The following ESR1 variants were observed in gnomAD, a reference collection of about 807,000 sequenced individuals.
The protein encoded by ESR1 is estrogen receptor.
ESR1 carries 12 observed loss-of-function variants against 52.7 expected under a neutral mutation model. The ratio of observed to expected loss-of-function variants is 0.23; its 90% CI spans 0.15 to 0.37. ESR1 has a LOEUF of 0.37. Ranked by LOEUF, ESR1 falls within the 10% of genes least tolerant of loss-of-function variation. The pLI is 1.00. For missense variants in ESR1, 584 were observed against 779.7 expected, an observed-to-expected ratio of 0.75 and a Z score of 2.99; for synonymous variants, 305 against 316.8, an observed-to-expected ratio of 0.96 and a Z score of 0.39.
chr6:152,040,702 G>GTGC (rs1160722215), intron 5 of ESR1, among the ~76,000 whole-genome samples: 10 of 152,236 alleles, frequency 6.6e-5, no homozygotes, highest in African/African-American at 2.4e-4. Flanking sequence ...AGGGGCTGTA[G>GTGC]TGCTGCAGCT....
chr6:151,974,654 G>A (rs1226251649), intron 4 of ESR1, among the ~76,000 whole-genome samples: 1 of 152,190 alleles, frequency 6.6e-6, no homozygotes, highest in Non-Finnish European at 1.5e-5. Flanking sequence ...GAGGATAAAA[G>A]CCTATATGAA....
At chr6:152,045,408 T>C (rs1430763679) in intron 5 of ESR1, among the ~76,000 whole-genome samples, 2 of 152,144 alleles carry the variant, frequency 1.3e-5, no homozygotes, top group African/African-American at 4.8e-5. Flanking sequence ...CACACTGTGT[T>C]CAGATCCACT....
chr6:151,767,685 A>G (rs28403432), intron 2 of ESR1, among the ~76,000 whole-genome samples: 1 of 152,214 alleles, frequency 6.6e-6, no homozygotes, highest in Admixed American at 6.5e-5. Context: ...GTATTCACAA[A>G]GGGAGATGTC....
chr6:152,022,472 A>G (rs1275154953), intron 5 of ESR1, among the ~76,000 whole-genome samples: 1 of 152,296 alleles, frequency 6.6e-6, no homozygotes, highest in East Asian at 1.9e-4. Flanking sequence ...TTTGAGAGCC[A>G]TCTCCGTAGC....
intron 4 of ESR1, among the ~76,000 whole-genome samples, chr6:151,979,090 C>T (rs193142544): frequency 1.3e-3 from 199 of 152,256 alleles, no homozygotes; most frequent in African/African-American, 4.4e-3. Flanking sequence ...TGGTGTCTTT[C>T]TTGTGTCCAA....
chr6:151,872,758 C>T (rs920046328), intron 2 of ESR1, among the ~76,000 whole-genome samples: 1 of 152,284 alleles, frequency 6.6e-6, no homozygotes, highest in East Asian at 1.9e-4. Context: ...GACAAAGCAT[C>T]ACTCAGGAGT....
chr6:151,716,433 C>T (rs1781041053), intron 2 of ESR1, among the ~76,000 whole-genome samples: 1 of 152,168 alleles, frequency 6.6e-6, no homozygotes, highest in South Asian at 2.1e-4. Context: ...GTGCTCACAG[C>T]CGCCGCTTCC....
intron 6 of ESR1, among the ~76,000 whole-genome samples, chr6:152,072,387 G>A (rs1585109837): frequency 6.6e-6 from 1 of 152,140 alleles, no homozygotes; most frequent in African/African-American, 2.4e-5. Flanking sequence ...AAAGAGGAGG[G>A]TTGATTTGTT....
chr6:152,125,331 T>C (rs1459132456), exon 7 of ESR1: 1 of 1,550,368 alleles, frequency 6.5e-7, no homozygotes. Context: ...TGGAAACAAG[T>C]GGTTTCCTCG....
At chr6:151,857,954 A>G (rs73780887) in intron 2 of ESR1, among the ~76,000 whole-genome samples, 6,300 of 152,252 alleles carry the variant, frequency 0.041, 457 homozygotes, top group African/African-American at 0.14. Context: ...CACAGTAAAC[A>G]TCTTTTACTT....
chr6:151,705,554 A>T (rs74366500), intron 2 of ESR1, among the ~76,000 whole-genome samples: 43 of 152,328 alleles, frequency 2.8e-4, no homozygotes, highest in African/African-American at 1.0e-3. Flanking sequence ...AACTGACTAC[A>T]ATATAATAAT....
At chr6:151,782,466 C>T (rs1045318890) in intron 2 of ESR1, among the ~76,000 whole-genome samples, 2 of 152,036 alleles carry the variant, frequency 1.3e-5, no homozygotes, top group Non-Finnish European at 2.9e-5. Context: ...TTTAAGTTTG[C>T]TTCCAAGTTT....
At chr6:152,045,005 A>T (rs2046112333) in intron 5 of ESR1, among the ~76,000 whole-genome samples, 1 of 152,236 alleles carries the variant, frequency 6.6e-6, no homozygotes, top group South Asian at 2.1e-4. Flanking sequence ...CTATTGGAAG[A>T]AAGGAAAACA....
At chr6:152,039,831 G>A (rs571637719) in intron 5 of ESR1, among the ~76,000 whole-genome samples, 14 of 152,312 alleles carry the variant, frequency 9.2e-5, no homozygotes, top group Non-Finnish European at 1.0e-4. Context: ...GCTGCTTCAG[G>A]ATGATGGGGA....
chr6:152,072,453 CT>C (rs2048427385), intron 6 of ESR1, among the ~76,000 whole-genome samples: 1 of 152,120 alleles, frequency 6.6e-6, no homozygotes, highest in Non-Finnish European at 1.5e-5. Flanking sequence ...CTTCCAAAGA[CT>C]TTGTTTGCTT....
chr6:151,884,568 T>C lies in ESR1; in HGVS notation c.760+3797T>C, dbSNP rs80088536. ...TCATAGCAAGGCTGAAAAAATTCAC[T>C]GAAGATCTATTGTAAAGATCCAAAA... On this transcript the variant is annotated intron_variant, in intron 3 of 7. Transcript: ENST00000206249. 4.9e-3 allele frequency among the ~76,000 whole-genome samples: 741 copies of C among 152,330 alleles called. 3 individuals carry two copies. Among genetic ancestry groups the C allele is most frequent in the African/African-American group, 0.014 (599 of 41,588 alleles).
downstream of ESR1, among the ~76,000 whole-genome samples, chr6:152,103,649 A>T (rs1311927122): frequency 6.6e-6 from 1 of 152,230 alleles, no homozygotes; most frequent in Non-Finnish European, 1.5e-5. Flanking sequence ...CCTGGCCCAA[A>T]TCCTTCCCTG....
intron 2 of ESR1, among the ~76,000 whole-genome samples, chr6:151,750,547 G>A (rs1783824817): frequency 6.6e-6 from 1 of 152,174 alleles, no homozygotes; most frequent in African/African-American, 2.4e-5. Context: ...TTTCCCAGGT[G>A]TCTAATGAAA....
intron 1 of ESR1, among the ~76,000 whole-genome samples, chr6:151,696,827 AG>A (rs1779386464): frequency 6.6e-6 from 1 of 152,222 alleles, no homozygotes; most frequent in Non-Finnish European, 1.5e-5. Flanking sequence ...TGTAAACAGA[AG>A]AAGGTATTTC....
Sources: gnomAD v4.1 joint callset for allele counts (sites outside exome capture counted in the v4.1 genomes callset) on GRCh38, gnomAD v4.1.1 for gene constraint, MANE v1.5 for transcripts, NCBI Gene and HGNC (gene_info 2026-07-23, HGNC 2026-07-21) for gene names.